TUSC3: variants seen among roughly 807,000 people sequenced by gnomAD.
TUSC3 encodes dolichyl-diphosphooligosaccharide--protein glycosyltransferase subunit TUSC3.
In TUSC3, 45 loss-of-function variants were observed where a neutral mutation model predicts 44.8. That is an observed-to-expected ratio of 1.00 (90% CI 0.79 to 1.29). The LOEUF (loss-of-function observed/expected upper bound fraction) is 1.29, where lower values mean the gene tolerates loss of function less well. Ranked by LOEUF, TUSC3 falls within the 50% of genes most tolerant of loss-of-function variation. TUSC3 has a pLI of 0.00. For missense variants in TUSC3, 519 were observed against 437.9 expected, an observed-to-expected ratio of 1.19 and a Z score of -1.65; for synonymous variants, 212 against 152.9, an observed-to-expected ratio of 1.39 and a Z score of -2.85.
chr8:15,732,313 G>A (rs1810755044), intron 7 of TUSC3, among the ~76,000 whole-genome samples: 1 of 152,070 alleles, frequency 6.6e-6, no homozygotes, highest in Admixed American at 6.5e-5. Context: ...TTCCCATGAT[G>A]TTCTCATGAT....
At chr8:15,795,273 C>A in the TUSC3 span, among the ~76,000 whole-genome samples, 1 of 152,124 alleles carries the variant, frequency 6.6e-6, no homozygotes, top group African/African-American at 2.4e-5. Context: ...AAAGACCCTG[C>A]CTTGGCTTGC....
chr8:15,666,480 AT>A (rs1807666686), intron 5 of TUSC3, among the ~76,000 whole-genome samples: 1 of 151,232 alleles, frequency 6.6e-6, no homozygotes, highest in African/African-American at 2.4e-5. Flanking sequence ...AACATTGGAG[AT>A]TAGTATATGT....
At chr8:15,462,266 G>A (rs2129122005) in intron 1 of TUSC3, among the ~76,000 whole-genome samples, 1 of 152,118 alleles carries the variant, frequency 6.6e-6, no homozygotes, top group Non-Finnish European at 1.5e-5. Flanking sequence ...CGAATTATTT[G>A]ACGAGTGACT....
the TUSC3 span, among the ~76,000 whole-genome samples, chr8:15,840,717 T>C: frequency 2.0e-5 from 3 of 152,184 alleles, no homozygotes; most frequent in African/African-American, 7.2e-5. Flanking sequence ...CCTGTTTTTC[T>C]AGAGAAAATT....
chr8:15,606,139 G>T (rs1467776898), intron 1 of TUSC3, among the ~76,000 whole-genome samples: 1 of 152,010 alleles, frequency 6.6e-6, no homozygotes, highest in East Asian at 1.9e-4. Context: ...GACATTACAA[G>T]AAAAAGTTGA....
At chr8:15,648,378 C>G (rs1417106334) in intron 2 of TUSC3, among the ~76,000 whole-genome samples, 1 of 152,050 alleles carries the variant, frequency 6.6e-6, no homozygotes, top group East Asian at 1.9e-4. Context: ...AATACAAAGG[C>G]CTGACTAGAC....
intron 1 of TUSC3, among the ~76,000 whole-genome samples, chr8:15,605,269 G>A (rs916972973): frequency 2.6e-5 from 4 of 151,792 alleles, no homozygotes; most frequent in African/African-American, 9.7e-5. Context: ...TTTTCCTAGA[G>A]GAATCAAAAT....
intron 1 of TUSC3, among the ~76,000 whole-genome samples, chr8:15,479,889 T>C (rs753845979): frequency 3.0e-4 from 45 of 152,184 alleles, no homozygotes; most frequent in Admixed American, 2.6e-4. Flanking sequence ...TATGGTCCTA[T>C]ATGTGGAAAA....
chr8:15,602,030 C>G (rs1476589108), intron 1 of TUSC3, among the ~76,000 whole-genome samples: 1 of 151,408 alleles, frequency 6.6e-6, no homozygotes, highest in Non-Finnish European at 1.5e-5. Flanking sequence ...TACCTGAAAT[C>G]TGACCCTAAA....
intron 1 of TUSC3, among the ~76,000 whole-genome samples, chr8:15,475,136 C>G (rs1325547096): frequency 1.3e-5 from 2 of 152,230 alleles, no homozygotes; most frequent in African/African-American, 2.4e-5. Flanking sequence ...TTATTATGCT[C>G]TGAGGCACCA....
At chr8:15,508,763 A>C (rs1801094590) in intron 2 of TUSC3, among the ~76,000 whole-genome samples, 1 of 152,104 alleles carries the variant, frequency 6.6e-6, no homozygotes, top group Non-Finnish European at 1.5e-5. Context: ...ACCTGTCCTG[A>C]AGCTTCCTTT....
At chr8:15,732,542 T>C (rs1810765459) in intron 7 of TUSC3, among the ~76,000 whole-genome samples, 1 of 148,982 alleles carries the variant, frequency 6.7e-6, no homozygotes, top group African/African-American at 2.5e-5. Context: ...CACCTAGCTT[T>C]TGACAAAGGT....
intron 1 of TUSC3, among the ~76,000 whole-genome samples, chr8:15,421,122 T>C (rs1799733058): frequency 6.6e-6 from 1 of 152,210 alleles, no homozygotes; most frequent in South Asian, 2.1e-4. Flanking sequence ...CTACTGATTC[T>C]GCAGTTCTTC....
intron 3 of TUSC3, among the ~76,000 whole-genome samples, chr8:15,659,030 A>G (rs1383533994): frequency 6.6e-6 from 1 of 152,140 alleles, no homozygotes; most frequent in Non-Finnish European, 1.5e-5. Context: ...AAGTCTTTAC[A>G]TTTGTAATAG....
chr8:15,692,708 G>T (rs1387211372), intron 6 of TUSC3, among the ~76,000 whole-genome samples: 1 of 149,350 alleles, frequency 6.7e-6, no homozygotes, highest in Non-Finnish European at 1.5e-5. Flanking sequence ...CACCCCCTTT[G>T]TCATTTCTGA....
intron 1 of TUSC3, among the ~76,000 whole-genome samples, chr8:15,444,536 C>T (rs755008213): frequency 6.6e-6 from 1 of 152,066 alleles, no homozygotes; most frequent in South Asian, 2.1e-4. Flanking sequence ...TGGAAGATGA[C>T]GAACCTGATC....
intron 6 of TUSC3, among the ~76,000 whole-genome samples, chr8:15,693,493 C>T (rs1479931022): frequency 8.1e-6 from 1 of 124,196 alleles, no homozygotes; most frequent in African/African-American, 3.0e-5. Flanking sequence ...GGTTGAATCT[C>T]TCCTGGCTTG....
At chr8:15,756,860 A>C (rs1432950516) in intron 9 of TUSC3, among the ~76,000 whole-genome samples, 1 of 152,296 alleles carries the variant, frequency 6.6e-6, no homozygotes, top group East Asian at 1.9e-4. Flanking sequence ...GCTAACTATC[A>C]TGGCTGGGCG....
Position 15,662,274 on chromosome 8 carries a change from C to G in TUSC3, c.686C>G (p.Thr229Ser). ...AACTTGGAGTTCATCTATAACAAGACTGGTTGGGCCATGGTGTCTCTGGTA... is the reference window on the plus strand; with the variant it reads ...AACTTGGAGTTCATCTATAACAAGAGTGGTTGGGCCATGGTGTCTCTGGTA... ...RNNLEFIYNKTGWAMVSLCIV... is the reference protein window; with the variant it reads ...RNNLEFIYNKSGWAMVSLCIV... The change falls in exon 5 of 11, where the codon ACT becomes AGT. Residue 229 changes from threonine (T) to serine (S), a missense_variant. Coordinates refer to ENST00000503731, the MANE Select transcript of TUSC3 (RefSeq NM_006765.4). The G allele has an allele frequency of 1.2e-6, 2 of 1,612,824 alleles. No homozygotes were observed. Among genetic ancestry groups the G allele is most frequent in the Non-Finnish European group, 1.7e-6 (2 of 1,179,146 alleles).
Sources: gnomAD v4.1 joint callset for allele counts (sites outside exome capture counted in the v4.1 genomes callset) on GRCh38, gnomAD v4.1.1 for gene constraint, MANE v1.5 for transcripts, NCBI Gene and HGNC (gene_info 2026-07-23, HGNC 2026-07-21) for gene names.